Variants in KCNH1 observed in about 807,000 individuals in gnomAD.
The protein encoded by KCNH1 is potassium voltage-gated channel subfamily H member 1.
In KCNH1, 27 loss-of-function variants were observed where a neutral mutation model predicts 69.2. That is an observed-to-expected ratio of 0.39 (90% CI 0.29 to 0.54). KCNH1 has a LOEUF of 0.54. Ranked by LOEUF, KCNH1 falls within the 20% of genes least tolerant of loss-of-function variation. The pLI is 0.68. For missense variants in KCNH1, 798 were observed against 1,261.6 expected (o/e 0.63, Z 5.57); for synonymous variants, 456 against 487.7 (o/e 0.93, Z 0.86).
At chr1:211,007,298 A>G (rs1689302816) in intron 6 of KCNH1, among the ~76,000 whole-genome samples, 2 of 152,206 alleles carry the variant, frequency 1.3e-5, no homozygotes, top group African/African-American at 4.8e-5. Context: ...CAGACTCCCA[A>G]TCATTGTTCT....
intron 7 of KCNH1, among the ~76,000 whole-genome samples, chr1:210,876,074 T>C (rs949754106): frequency 2.0e-5 from 3 of 152,172 alleles, no homozygotes; most frequent in Non-Finnish European, 4.4e-5. Flanking sequence ...GTGTTAAAAA[T>C]TTGGGAAGGT....
intron 7 of KCNH1, among the ~76,000 whole-genome samples, chr1:210,841,744 G>A (rs2102453793): frequency 6.6e-6 from 1 of 152,194 alleles, no homozygotes; most frequent in East Asian, 1.9e-4. Flanking sequence ...TTTTTCCCCT[G>A]TGTATATACA....
At chr1:210,703,643 A>AAAGAC (rs1367721547) in intron 10 of KCNH1, among the ~76,000 whole-genome samples, 5 of 152,218 alleles carry the variant, frequency 3.3e-5, no homozygotes, top group Non-Finnish European at 5.9e-5. Flanking sequence ...TAATGCTACA[A>AAAGAC]AAGACAAGAT....
At chr1:211,069,407 G>C (rs537492944) in intron 5 of KCNH1, among the ~76,000 whole-genome samples, 18 of 151,930 alleles carry the variant, frequency 1.2e-4, no homozygotes, top group African/African-American at 1.7e-4. Context: ...GACAGAGTAA[G>C]CATCAGAACC....
chr1:210,795,238 A>T (rs1558472619), intron 9 of KCNH1, among the ~76,000 whole-genome samples: 1 of 150,900 alleles, frequency 6.6e-6, no homozygotes, highest in Non-Finnish European at 1.5e-5. Context: ...TCTCACTGCA[A>T]CCTCCGCTTC....
At chr1:210,976,916 G>C (rs1386419766) in intron 6 of KCNH1, among the ~76,000 whole-genome samples, 4 of 146,920 alleles carry the variant, frequency 2.7e-5, no homozygotes, top group African/African-American at 1.0e-4. Context: ...CAGGGATCTA[G>C]AACTAGAAAT....
chr1:211,075,112 G>A (rs1690709927), intron 5 of KCNH1, among the ~76,000 whole-genome samples: 1 of 152,224 alleles, frequency 6.6e-6, no homozygotes, highest in Non-Finnish European at 1.5e-5. Context: ...AGAGATGTAG[G>A]AGAGGAGGTT....
chr1:211,115,012 A>C (rs1331747924), intron 1 of KCNH1, among the ~76,000 whole-genome samples: 1 of 151,856 alleles, frequency 6.6e-6, no homozygotes, highest in Non-Finnish European at 1.5e-5. Context: ...TCTGTTGCCC[A>C]GGCTAGAGTG....
In KCNH1 at chr1:210,946,680, T is replaced by C. The variant is rs1687964592; in HGVS notation, c.1033-26611A>G. Among the ~76,000 whole-genome samples, 4 of 152,296 alleles carry C rather than the reference T, an allele frequency of 2.6e-5. No individual in the cohort carries two copies. The South Asian group carries it at 8.3e-4, about 32-fold the overall frequency. ...TGCCACCCATAAGGCCCTTGTGGCC[T>C]GGCCCCTGCCTGCTCCTCCTGCCTT... On this transcript the variant is annotated intron_variant, in intron 6 of 10. Coordinates refer to ENST00000271751, the MANE Select transcript of KCNH1 (RefSeq NM_172362.3).
chr1:210,749,160 C>T (rs900373534), intron 10 of KCNH1, among the ~76,000 whole-genome samples: 6 of 152,148 alleles, frequency 3.9e-5, no homozygotes, highest in African/African-American at 1.4e-4. Context: ...TATGTCCACC[C>T]AGCCCCTCAA....
At chr1:210,951,509 C>T (rs17188755) in intron 6 of KCNH1, among the ~76,000 whole-genome samples, 17,255 of 152,202 alleles carry the variant, frequency 0.11, 1,194 homozygotes, top group Non-Finnish European at 0.15. Flanking sequence ...ATGCAATCTG[C>T]TGGCAGTTTG....
intron 5 of KCNH1, among the ~76,000 whole-genome samples, chr1:211,051,594 A>G (rs1690206187): frequency 6.6e-6 from 1 of 152,176 alleles, no homozygotes; most frequent in African/African-American, 2.4e-5. Context: ...AGAGTGTTTG[A>G]CAGACATAAG....
intron 6 of KCNH1, among the ~76,000 whole-genome samples, chr1:210,994,394 TGA>T (rs1307584738): frequency 6.6e-6 from 1 of 152,158 alleles, no homozygotes; most frequent in Non-Finnish European, 1.5e-5. Flanking sequence ...CAAATTGAGT[TGA>T]GTCATAATTA....
At chr1:210,906,511 C>T (rs528618058) in intron 7 of KCNH1, among the ~76,000 whole-genome samples, 8 of 152,314 alleles carry the variant, frequency 5.3e-5, no homozygotes, top group African/African-American at 1.7e-4. Context: ...ACACAGTGAC[C>T]GTCTTGGTTC....
chr1:210,798,149 C>G (rs1174172683), intron 8 of KCNH1, among the ~76,000 whole-genome samples: 1 of 151,914 alleles, frequency 6.6e-6, no homozygotes, highest in Non-Finnish European at 1.5e-5. Context: ...ACGCCATCCT[C>G]CTGCCTCAGC....
chr1:210,774,630 T>A (rs2102370359), intron 10 of KCNH1, among the ~76,000 whole-genome samples: 1 of 152,244 alleles, frequency 6.6e-6, no homozygotes, highest in Middle Eastern at 3.4e-3. Context: ...GTTATTGTTT[T>A]AACCAAAAGA....
At chr1:210,734,180 T>C (rs1393157493) in intron 10 of KCNH1, among the ~76,000 whole-genome samples, 1 of 152,224 alleles carries the variant, frequency 6.6e-6, no homozygotes, top group Non-Finnish European at 1.5e-5. Context: ...TTAAAGATGA[T>C]TAACTCATAA....
chr1:210,738,577 T>C (rs1682939625), intron 10 of KCNH1, among the ~76,000 whole-genome samples: 1 of 137,842 alleles, frequency 7.3e-6, no homozygotes, highest in Non-Finnish European at 1.5e-5. Context: ...TTTTTTTTTT[T>C]TTTTCTGAGA....
intron 10 of KCNH1, among the ~76,000 whole-genome samples, chr1:210,733,076 G>A (rs1682783363): frequency 6.6e-6 from 1 of 152,166 alleles, no homozygotes; most frequent in Non-Finnish European, 1.5e-5. Context: ...CTTGCTTTTG[G>A]TGACAGAAGA....
Sources: gnomAD v4.1 joint callset for allele counts (sites outside exome capture counted in the v4.1 genomes callset) on GRCh38, gnomAD v4.1.1 for gene constraint, MANE v1.5 for transcripts, NCBI Gene and HGNC (gene_info 2026-07-23, HGNC 2026-07-21) for gene names.